Variants in PLCH1 observed in about 807,000 individuals in gnomAD.
PLCH1 encodes phospholipase C eta 1.
A neutral mutation model predicts 126.7 loss-of-function variants in PLCH1; 60 were observed. The observed-to-expected ratio is 0.47, with a 90% CI of 0.38 to 0.59. The LOEUF is 0.59. Ranked by LOEUF, PLCH1 falls within the 20% of genes least tolerant of loss-of-function variation. PLCH1 has a pLI of 0.00. For synonymous variants in PLCH1, 719 were observed against 734.9 expected, an observed-to-expected ratio of 0.98 and a Z score of 0.35; for missense variants, 1,723 against 2,040.0, an observed-to-expected ratio of 0.84 and a Z score of 2.99.
chr3:155,543,381 G>C (rs1724686345), intron 10 of PLCH1, among the ~76,000 whole-genome samples: 1 of 152,192 alleles, frequency 6.6e-6, no homozygotes, highest in South Asian at 2.1e-4. Flanking sequence ...AGAAATATGG[G>C]ACTATGTGAA....
intron 1 of PLCH1, among the ~76,000 whole-genome samples, chr3:155,718,057 A>G (rs1747665965): frequency 6.6e-6 from 1 of 152,170 alleles, no homozygotes; most frequent in African/African-American, 2.4e-5. Context: ...ACTGCCCAGA[A>G]ATTCATTCCA....
At chr3:155,674,693 G>A (rs1288763221) in intron 2 of PLCH1, among the ~76,000 whole-genome samples, 1 of 152,118 alleles carries the variant, frequency 6.6e-6, no homozygotes, top group African/African-American at 2.4e-5. Context: ...ACATCTGTAT[G>A]TGAAAACATC....
intron 2 of PLCH1, among the ~76,000 whole-genome samples, chr3:155,626,594 C>T (rs1249238973): frequency 6.6e-6 from 1 of 151,182 alleles, no homozygotes; most frequent in African/African-American, 2.4e-5. Flanking sequence ...ACGGTGAGAC[C>T]CCATCTCTAC....
rs958645242 is a variant in PLCH1, at chr3:155,481,476, T to C, written c.4550A>G (p.Asp1517Gly). ...TGTCTTCACAGTCACGCCCTTCTTG[T>C]CTCTAATGCCAGTTGTAACAAAACT... ...SKSFVTTGIR[D>G]KKGVTVKTKS... Residue 1517 changes from aspartate to glycine, a missense_variant, in exon 23 of 23, where the codon GAC becomes GGC. Around this residue, in one of 2 missense-constraint regions of PLCH1, gnomAD observed 947 missense variants for 977.1 expected, o/e 0.97. Transcript: ENST00000460012. This position sits in a 1 kb window ranked among gnomAD's most constrained non-coding sequence, Gnocchi z 4.2. The C allele has an allele frequency of 3.1e-6, 5 of 1,614,046 alleles. No homozygotes were observed. The African/African-American group carries it at 5.3e-5, about 17-fold the overall frequency.
At chr3:155,634,214 C>T (rs990241570) in intron 2 of PLCH1, among the ~76,000 whole-genome samples, 2 of 152,030 alleles carry the variant, frequency 1.3e-5, no homozygotes, top group Non-Finnish European at 2.9e-5. Flanking sequence ...TGTTTGTGAC[C>T]AAAAGAGGGC....
downstream of PLCH1, among the ~76,000 whole-genome samples, chr3:155,475,375 A>C (rs148455468): frequency 1.3e-5 from 2 of 152,164 alleles, no homozygotes; most frequent in Admixed American, 6.5e-5. Flanking sequence ...AAGAGGAAAA[A>C]CTTCAAATAA....
downstream of PLCH1, among the ~76,000 whole-genome samples, chr3:155,476,234 G>A (rs1713540958): frequency 6.6e-6 from 1 of 152,046 alleles, no homozygotes; most frequent in Non-Finnish European, 1.5e-5. Context: ...TGCTGAAAAA[G>A]TATTTGATAA....
chr3:155,628,356 G>GAAAAAAAA (rs34200511), intron 2 of PLCH1, among the ~76,000 whole-genome samples: 5 of 98,156 alleles, frequency 5.1e-5, no homozygotes, highest in Admixed American at 2.2e-4. Context: ...CTATGCCCAG[G>GAAAAAAAA]AAAAAAAAAA....
In PLCH1 at chr3:155,516,140, G is replaced by C. The variant is rs548828572; in HGVS notation, c.1471-1256C>G. Among the ~76,000 whole-genome samples, 17 of 152,248 alleles carry C rather than the reference G, an allele frequency of 1.1e-4. No homozygotes were observed. The East Asian group carries it at 3.1e-3, about 28-fold the overall frequency. ...CCTCCAGGTCCAGAAGGAGATGCAA[G>C]GATGAAAAAAGAGTTGGCTCTTAAC... On this transcript the variant is annotated intron_variant, in intron 11 of 22. Transcript: ENST00000460012.
intron 21 of PLCH1, among the ~76,000 whole-genome samples, chr3:155,469,351 T>C (rs987264587): frequency 6.6e-6 from 1 of 152,234 alleles, no homozygotes; most frequent in Admixed American, 6.5e-5. Flanking sequence ...CCCACCCGAA[T>C]ACTGCGCTTT....
chr3:155,501,328 A>G (rs1358389604), intron 13 of PLCH1, among the ~76,000 whole-genome samples: 1 of 152,216 alleles, frequency 6.6e-6, no homozygotes, highest in Non-Finnish European at 1.5e-5. Flanking sequence ...CATTTCTAGC[A>G]GCAGGAAAAA....
intron 2 of PLCH1, among the ~76,000 whole-genome samples, chr3:155,680,366 G>C (rs1744415656): frequency 6.6e-6 from 1 of 152,120 alleles, no homozygotes; most frequent in African/African-American, 2.4e-5. Context: ...CTGGGTGACA[G>C]AGCGAGATTC....
chr3:155,570,237 T>C (rs1220625743), intron 6 of PLCH1, among the ~76,000 whole-genome samples: 2 of 152,176 alleles, frequency 1.3e-5, no homozygotes, highest in Admixed American at 1.3e-4. Context: ...GTAATTGAGT[T>C]TTTTAAGACT....
chr3:155,559,511 T>C (rs1159630013), intron 8 of PLCH1, among the ~76,000 whole-genome samples: 1 of 152,136 alleles, frequency 6.6e-6, no homozygotes, highest in Non-Finnish European at 1.5e-5. Flanking sequence ...CTGAGATAAA[T>C]ATAATTATTC....
At position 155,494,172 on chromosome 3, in the gene PLCH1, G is replaced by A. The variant is rs1490862394; in HGVS notation, c.2151C>T (p.Gly717=). The change falls in exon 17 of 23, where the codon GGC becomes GGT. Residue 717 remains glycine (G), a synonymous_variant. Transcript: ENST00000460012. ...RAKFKANGNC[G]YVLKPQQMCK... is the part of the protein sequence containing the mutation. ...ACATTTGCTGGGGTTTGAGGACATA[G>A]CCACAATTGCCATTTGCCTTGAATT... 2 of 1,614,006 alleles carry A rather than the reference G, an allele frequency of 1.2e-6. No homozygotes were observed. Among genetic ancestry groups the A allele is most frequent in the African/African-American group, 2.7e-5 (2 of 75,052 alleles).
At chr3:155,528,399 G>A (rs1441331777) in intron 10 of PLCH1, among the ~76,000 whole-genome samples, 1 of 152,126 alleles carries the variant, frequency 6.6e-6, no homozygotes, top group East Asian at 1.9e-4. Flanking sequence ...TTGTAGAGTA[G>A]TTATAATATG....
intron 21 of PLCH1, among the ~76,000 whole-genome samples, chr3:155,462,241 A>T (rs913443249): frequency 2.6e-5 from 4 of 152,126 alleles, no homozygotes; most frequent in Admixed American, 2.6e-4. Flanking sequence ...GGAGTGCAGC[A>T]CTCACTGAGG....
chr3:155,688,639 C>T (rs1055065172), intron 2 of PLCH1, among the ~76,000 whole-genome samples: 3 of 152,310 alleles, frequency 2.0e-5, no homozygotes, highest in South Asian at 2.1e-4. Flanking sequence ...TTTCCAGACC[C>T]GCCCTGGGCC....
At chr3:155,667,902 T>TAA (rs766010793) in intron 2 of PLCH1, among the ~76,000 whole-genome samples, 4,497 of 94,704 alleles carry the variant, frequency 0.047, 212 homozygotes, top group African/African-American at 0.073. Flanking sequence ...CCATCTCTAC[T>TAA]TAAAAAAAAA....
Sources: gnomAD v4.1 joint callset for allele counts (sites outside exome capture counted in the v4.1 genomes callset) on GRCh38, gnomAD v4.1.1 for gene constraint, gnomAD v4.1.1 regional missense constraint, Gnocchi (gnomAD v3.1) non-coding constraint, MANE v1.5 for transcripts, NCBI Gene and HGNC (gene_info 2026-07-23, HGNC 2026-07-21) for gene names.